The following ZMAT4 variants were observed in gnomAD, a reference collection of about 807,000 sequenced individuals.
The protein encoded by ZMAT4 is zinc finger matrin-type protein 4.
Under a neutral mutation model 28.7 loss-of-function variants are expected in ZMAT4, and 17 were observed. That is an observed-to-expected ratio of 0.59 (90% CI 0.41 to 0.89). The LOEUF is 0.89. Ranked by LOEUF, ZMAT4 falls within the 40% of genes least tolerant of loss-of-function variation. The pLI is 0.00. For synonymous variants in ZMAT4, 117 were observed against 109.2 expected (o/e 1.07, Z -0.44); for missense variants, 240 against 283.8 (o/e 0.85, Z 1.11).
chr8:40,799,699 A>G (rs940703831), intron 2 of ZMAT4, among the ~76,000 whole-genome samples: 20 of 152,216 alleles, frequency 1.3e-4, no homozygotes, highest in African/African-American at 4.8e-4. Context: ...GATCTAACAG[A>G]TAACAATTTG....
chr8:40,768,331 TAAAG>T (rs1305093285), intron 2 of ZMAT4, among the ~76,000 whole-genome samples: 1 of 152,198 alleles, frequency 6.6e-6, no homozygotes, highest in Non-Finnish European at 1.5e-5. Context: ...GTTGAGCAAA[TAAAG>T]ACTCATTTTC....
At chr8:40,635,632 A>G (rs1040427634) in intron 5 of ZMAT4, among the ~76,000 whole-genome samples, 2 of 152,190 alleles carry the variant, frequency 1.3e-5, no homozygotes, top group South Asian at 2.1e-4. Flanking sequence ...CGTGGTGGCA[A>G]TGTCTCAGAC....
At chr8:40,587,810 G>A (rs56382037) in intron 5 of ZMAT4, among the ~76,000 whole-genome samples, 33,562 of 151,748 alleles carry the variant, frequency 0.22, 4,394 homozygotes, top group Non-Finnish European at 0.3. Context: ...ATAGTCAAAA[G>A]GCCAAAACTA....
intron 4 of ZMAT4, among the ~76,000 whole-genome samples, chr8:40,680,205 A>G (rs1314026760): frequency 6.6e-6 from 1 of 152,078 alleles, no homozygotes; most frequent in Non-Finnish European, 1.5e-5. Context: ...CTTCTGAAAA[A>G]TTTACTTTCA....
chr8:40,870,061 CAGACACA>C (rs1174809660), intron 1 of ZMAT4, among the ~76,000 whole-genome samples: 1 of 152,174 alleles, frequency 6.6e-6, no homozygotes, highest in Non-Finnish European at 1.5e-5. Context: ...TAGGAAACTG[CAGACACA>C]GGAGTAGCTC....
At chr8:40,787,171 T>C (rs886520819) in intron 2 of ZMAT4, among the ~76,000 whole-genome samples, 10 of 152,214 alleles carry the variant, frequency 6.6e-5, no homozygotes, top group African/African-American at 1.4e-4. Flanking sequence ...ATGCTTATAA[T>C]AGAAAAGAAG....
At chr8:40,825,513 C>T in intron 2 of ZMAT4, 62 bp downstream of exon 2, 1 of 1,422,186 alleles carries the variant, frequency 7.0e-7, no homozygotes, top group Non-Finnish European at 9.6e-7. Flanking sequence ...TGGAGTCCTA[C>T]AACAATGACC....
intron 5 of ZMAT4, among the ~76,000 whole-genome samples, chr8:40,659,121 A>T (rs1248025830): frequency 6.6e-6 from 1 of 152,180 alleles, no homozygotes; most frequent in African/African-American, 2.4e-5. Flanking sequence ...ATCAGGAATC[A>T]TGGGTGGGTA....
At position 40,595,830 on chromosome 8, in the gene ZMAT4, T is replaced by C. The variant is rs1004106686; in HGVS notation, c.578-14569A>G. On this transcript the variant is annotated intron_variant, in intron 5 of 6. Transcript: ENST00000297737. The stretch of plus-strand genomic sequence containing the variant: ...TGGGCACGGTGGCTCACTCCTGTAA[T>C]CCCAGCACTTTGGGAGGCCGAGGCA... Among the ~76,000 whole-genome samples the C allele has an allele frequency of 2.0e-5, 3 of 152,086 alleles. No homozygotes were observed. The South Asian group carries it at 6.2e-4, about 32-fold the overall frequency.
intron 1 of ZMAT4, among the ~76,000 whole-genome samples, chr8:40,881,759 T>C (rs17648449): frequency 0.11 from 16,632 of 152,086 alleles, 993 homozygotes; most frequent in Non-Finnish European, 0.14. Flanking sequence ...CTTTTCCTTG[T>C]AGGAGGTGCA....
intron 5 of ZMAT4, among the ~76,000 whole-genome samples, chr8:40,664,942 C>G (rs1432416199): frequency 6.6e-6 from 1 of 152,192 alleles, no homozygotes; most frequent in Non-Finnish European, 1.5e-5. Context: ...ACTAAGATGT[C>G]CACTGCCTGA....
chr8:40,654,345 C>G (rs982434972), intron 5 of ZMAT4, among the ~76,000 whole-genome samples: 3 of 152,116 alleles, frequency 2.0e-5, no homozygotes, highest in Non-Finnish European at 4.4e-5. Flanking sequence ...GAAATGCATG[C>G]AATGAGGCAC....
chr8:40,607,117 C>CTTTTTTTTTTTTTTTTT (rs71544299), intron 5 of ZMAT4, among the ~76,000 whole-genome samples: 1 of 65,716 alleles, frequency 1.5e-5, no homozygotes, highest in African/African-American at 6.5e-5. Context: ...TATCTTGTAT[C>CTTTTTTTTTTTTTTTTT]TTTTTTTTTT....
At chr8:40,634,054 C>T (rs1806699638) in intron 5 of ZMAT4, among the ~76,000 whole-genome samples, 1 of 152,120 alleles carries the variant, frequency 6.6e-6, no homozygotes, top group Middle Eastern at 3.2e-3. Flanking sequence ...CACTGCTGTC[C>T]ACATGCACCC....
intron 2 of ZMAT4, among the ~76,000 whole-genome samples, chr8:40,806,204 G>A: frequency 6.6e-6 from 1 of 152,172 alleles, no homozygotes; most frequent in Non-Finnish European, 1.5e-5. Flanking sequence ...TTTTGCATGT[G>A]GGCAGTTCGA....
chr8:40,536,846 G>A (rs985426810), intron 6 of ZMAT4, among the ~76,000 whole-genome samples: 26 of 151,984 alleles, frequency 1.7e-4, no homozygotes, highest in African/African-American at 5.8e-4. Context: ...TAAGACAAGG[G>A]GCACAAGGTG....
chr8:40,724,373 A>G (rs112744889), intron 3 of ZMAT4, among the ~76,000 whole-genome samples: 1,916 of 152,302 alleles, frequency 0.013, 17 homozygotes, highest in Non-Finnish European at 0.019. Context: ...TTTGGAGCTT[A>G]TTGGCTTTCG....
intron 2 of ZMAT4, among the ~76,000 whole-genome samples, chr8:40,797,598 C>T (rs1298992556): frequency 6.6e-6 from 1 of 152,170 alleles, no homozygotes; most frequent in African/African-American, 2.4e-5. Flanking sequence ...TAGCTGTGCA[C>T]ATTACAGGAC....
chr8:40,778,076 A>G (rs1480670050), intron 2 of ZMAT4, among the ~76,000 whole-genome samples: 4 of 152,208 alleles, frequency 2.6e-5, no homozygotes, highest in Non-Finnish European at 5.9e-5. Context: ...ATTACAGTAA[A>G]CACAACTTAA....
Sources: allele counts gnomAD v4.1 joint callset (sites outside exome capture counted in the v4.1 genomes callset), GRCh38; gene constraint gnomAD v4.1.1; transcripts MANE v1.5; gene names NCBI Gene and HGNC (gene_info 2026-07-23, HGNC 2026-07-21).